RBFOX1: variants seen among roughly 807,000 people sequenced by gnomAD.
RBFOX1 encodes RNA binding protein fox-1 homolog 1.
Under a neutral mutation model 57.7 loss-of-function variants are expected in RBFOX1, and 8 were observed. The observed-to-expected ratio is 0.14, with a 90% CI of 0.08 to 0.25. RBFOX1 has a LOEUF of 0.25. RBFOX1 is among the 10% of genes least tolerant of loss of function. The pLI, the probability that RBFOX1 is intolerant of heterozygous loss-of-function variation, is 1.00. For missense variants in RBFOX1, 611 were observed against 548.5 expected, an observed-to-expected ratio of 1.11 and a Z score of -1.14; for synonymous variants, 326 against 222.4, an observed-to-expected ratio of 1.47 and a Z score of -4.15.
chr16:7,372,017 T>C (rs897136538), intron 4 of RBFOX1, among the ~76,000 whole-genome samples: 2 of 152,138 alleles, frequency 1.3e-5, no homozygotes, highest in African/African-American at 2.4e-5. Context: ...CACTGAGTTA[T>C]CTGATAGAGA....
chr16:5,969,761 G>A (rs2059926824), intron 4 of RBFOX1, among the ~76,000 whole-genome samples: 1 of 151,972 alleles, frequency 6.6e-6, no homozygotes, highest in Admixed American at 6.6e-5. Context: ...TGCGATGTCT[G>A]TCCCCTCCTC....
At chr16:6,904,529 AG>A (rs1319210666) in intron 3 of RBFOX1, among the ~76,000 whole-genome samples, 1 of 138,372 alleles carries the variant, frequency 7.2e-6, no homozygotes, top group African/African-American at 2.7e-5. Flanking sequence ...TGAACCCAGG[AG>A]GCAGATGTTG....
At chr16:6,017,097 T>C (rs2152343665), upstream of RBFOX1, among the ~76,000 whole-genome samples, 1 of 152,314 alleles carries the variant, frequency 6.6e-6, no homozygotes, top group African/African-American at 2.4e-5. Flanking sequence ...ATATGTTTTA[T>C]TTCCAATGGT....
intron 4 of RBFOX1, among the ~76,000 whole-genome samples, chr16:7,195,586 C>G (rs565579452): frequency 6.0e-4 from 91 of 152,270 alleles, no homozygotes; most frequent in Middle Eastern, 6.8e-3. Flanking sequence ...GAGACAGAGT[C>G]CAACTCTCTT....
intron 1 of RBFOX1, among the ~76,000 whole-genome samples, chr16:5,240,979 A>G (rs1044329589): frequency 6.6e-6 from 1 of 152,172 alleles, no homozygotes; most frequent in Non-Finnish European, 1.5e-5. Context: ...TTTGATGGAT[A>G]ATGGGGTTGA....
At chr16:5,517,169 A>G (rs1352464942) in intron 2 of RBFOX1, among the ~76,000 whole-genome samples, 3 of 152,140 alleles carry the variant, frequency 2.0e-5, no homozygotes, top group East Asian at 3.9e-4. Context: ...CAGAAACTCC[A>G]TTAGGCTAGC....
intron 4 of RBFOX1, among the ~76,000 whole-genome samples, chr16:7,385,919 C>CTTTTTTAT (rs57254482): frequency 0.37 from 50,113 of 134,988 alleles, 9,218 homozygotes; most frequent in East Asian, 0.5. Context: ...TGCCCAGTTA[C>CTTTTTTAT]TTATTTATTT....
At chr16:7,678,566 C>A (rs2073975651) in intron 14 of RBFOX1, among the ~76,000 whole-genome samples, 3 of 151,960 alleles carry the variant, frequency 2.0e-5, no homozygotes, top group African/African-American at 7.2e-5. Flanking sequence ...TTATAAGAAT[C>A]TTAAACAGAT....
intron 4 of RBFOX1, among the ~76,000 whole-genome samples, chr16:7,078,231 T>C (rs780090575): frequency 5.9e-5 from 9 of 152,230 alleles, no homozygotes; most frequent in Non-Finnish European, 1.2e-4. Flanking sequence ...TGATGTCCAC[T>C]ATACAGAGTT....
intron 4 of RBFOX1, among the ~76,000 whole-genome samples, chr16:7,283,792 A>G (rs76994646): frequency 0.027 from 4,083 of 152,304 alleles, 95 homozygotes; most frequent in East Asian, 0.12. Flanking sequence ...AGGTTTACTG[A>G]GGCATAATTT....
chr16:7,227,285 A>ACCCCCCCCCCCCCCCCCCCCCCC (rs1284183490), intron 4 of RBFOX1, among the ~76,000 whole-genome samples: 1 of 73,240 alleles, frequency 1.4e-5, no homozygotes, highest in East Asian at 8.4e-4. Flanking sequence ...CACACACCCC[A>ACCCCCCCCCCCCCCCCCCCCCCC]CCCCACCCCC....
At chr16:7,253,166 A>G (rs910968992) in intron 4 of RBFOX1, among the ~76,000 whole-genome samples, 2 of 152,132 alleles carry the variant, frequency 1.3e-5, no homozygotes, top group Non-Finnish European at 2.9e-5. Flanking sequence ...TCTCTTCTCC[A>G]CTTTCTTGTT....
chr16:7,454,096 G>T (rs376221998), intron 4 of RBFOX1, among the ~76,000 whole-genome samples: 1 of 152,170 alleles, frequency 6.6e-6, no homozygotes, highest in African/African-American at 2.4e-5. Context: ...AGCTGAGTGT[G>T]GTGGCCCATG....
intron 3 of RBFOX1, among the ~76,000 whole-genome samples, chr16:6,809,677 A>G (rs1382001677): frequency 6.6e-6 from 1 of 152,178 alleles, no homozygotes; most frequent in East Asian, 1.9e-4. Context: ...TTCAGGTGAG[A>G]TACGTAGAGC....
chr16:6,317,182 C>G (rs548675159), intron 2 of RBFOX1, 125 bp downstream of exon 2: 6 of 859,298 alleles, frequency 7.0e-6, no homozygotes, highest in East Asian at 2.7e-5. Flanking sequence ...CTGCCTATGT[C>G]TTTCTCTTCT....
chr16:5,641,541 C>T (rs7206521), intron 3 of RBFOX1, among the ~76,000 whole-genome samples: 23,774 of 152,122 alleles, frequency 0.16, 2,262 homozygotes, highest in South Asian at 0.29. Flanking sequence ...CACTGTGCCA[C>T]CTAGCTCCTG....
At chr16:6,759,876 G>A (rs1168911453) in intron 3 of RBFOX1, among the ~76,000 whole-genome samples, 2 of 152,168 alleles carry the variant, frequency 1.3e-5, no homozygotes, top group African/African-American at 2.4e-5. Flanking sequence ...ACAGCGAACT[G>A]ATGAAATCAA....
chr16:5,496,422 C>G (rs947144923), intron 2 of RBFOX1, among the ~76,000 whole-genome samples: 3 of 152,114 alleles, frequency 2.0e-5, no homozygotes, highest in African/African-American at 7.2e-5. Flanking sequence ...CTCCTTCTCA[C>G]TATTCAGCTT....
At chr16:6,654,547 C>T in intron 2 of RBFOX1, 56 bp from the exon 3 acceptor site, 2 of 1,363,494 alleles carry the variant, frequency 1.5e-6, no homozygotes, top group African/African-American at 3.0e-5. Context: ...GTTCTCTGAC[C>T]ATAAGTCTGA....
Sources: allele counts gnomAD v4.1 joint callset (sites outside exome capture counted in the v4.1 genomes callset), GRCh38; gene constraint gnomAD v4.1.1; transcripts MANE v1.5; gene names NCBI Gene and HGNC (gene_info 2026-07-23, HGNC 2026-07-21).